Variants in RYR2 observed in about 807,000 individuals in gnomAD.
RYR2 encodes ryanodine receptor 2.
RYR2 carries 227 observed loss-of-function variants against 601.1 expected under a neutral mutation model. The observed-to-expected ratio is 0.38, with a 90% CI of 0.34 to 0.42. The LOEUF (loss-of-function observed/expected upper bound fraction) is 0.42, where lower values mean the gene tolerates loss of function less well. Among genes scored for constraint, RYR2 ranks in the 10% least tolerant of loss-of-function variants. RYR2 has a pLI of 1.00. For missense variants in RYR2, 4,646 were observed against 6,156.5 expected, an observed-to-expected ratio of 0.75 and a Z score of 8.21; for synonymous variants, 2,223 against 2,175.1, an observed-to-expected ratio of 1.02 and a Z score of -0.61.
At chr1:237,785,928 T>A (rs1472048684) in intron 90 of RYR2, 41 bp from the exon 91 acceptor site, 2 of 1,370,262 alleles carry the variant, frequency 1.5e-6, no homozygotes, top group African/African-American at 2.9e-5. Flanking sequence ...TCAAAGGTGA[T>A]GGGTAATCCT....
At chr1:237,332,652 A>T (rs1243090247) in intron 3 of RYR2, among the ~76,000 whole-genome samples, 2 of 152,210 alleles carry the variant, frequency 1.3e-5, no homozygotes, top group Non-Finnish European at 2.9e-5. Context: ...TAAAAAATGC[A>T]TCTTGCCATT....
chr1:237,280,372 A>G (rs1690734286), intron 2 of RYR2, among the ~76,000 whole-genome samples: 1 of 152,218 alleles, frequency 6.6e-6, no homozygotes, highest in African/African-American at 2.4e-5. Flanking sequence ...AATAAATATT[A>G]ACATTATTGC....
At chr1:237,525,501 A>G (rs1667481787) in intron 24 of RYR2, among the ~76,000 whole-genome samples, 2 of 151,840 alleles carry the variant, frequency 1.3e-5, no homozygotes, top group African/African-American at 4.8e-5. Context: ...CCTAGGTTGG[A>G]GTGCAGTGGC....
intron 3 of RYR2, among the ~76,000 whole-genome samples, chr1:237,331,533 G>C (rs554682929): frequency 2.7e-5 from 4 of 147,872 alleles, no homozygotes; most frequent in East Asian, 1.9e-4. Flanking sequence ...GATGGAGTCT[G>C]GCTCTGTCAC....
Position 237,566,695 on chromosome 1 carries a change from G to A in RYR2, c.3343G>A (p.Val1115Ile), listed in dbSNP as rs1559038746. ...GACGGTCACTGCTGGAGACATGAGG[G>A]TTGGTTGGAGTCGTCCTGGTTGTCA... ...FETVTAGDMR[V>I]GWSRPGCQPD... The change falls in exon 28 of 105, where the codon GTT becomes ATT. Residue 1115 changes from valine (V) to isoleucine (I), a missense_variant. Around this residue, in one of 17 missense-constraint regions of RYR2, gnomAD observed 1,807 missense variants for 2,088.1 expected, o/e 0.87. Coordinates refer to ENST00000366574, the MANE Select transcript of RYR2 (RefSeq NM_001035.3). 1 of 1,614,000 alleles carries A rather than the reference G, an allele frequency of 6.2e-7. No individual in the cohort carries two copies. Among genetic ancestry groups the A allele is most frequent in the Non-Finnish European group, 8.5e-7 (1 of 1,179,878 alleles).
intron 27 of RYR2, among the ~76,000 whole-genome samples, chr1:237,562,333 C>G (rs1671540403): frequency 6.6e-6 from 1 of 152,144 alleles, no homozygotes; most frequent in South Asian, 2.1e-4. Context: ...CTAAAAGATT[C>G]TAGATATGTA....
At chr1:237,528,448 G>A (rs1384685249) in intron 24 of RYR2, among the ~76,000 whole-genome samples, 2 of 152,146 alleles carry the variant, frequency 1.3e-5, no homozygotes, top group African/African-American at 4.8e-5. Context: ...CCATGGATAA[G>A]GGAGGACTAC....
At chr1:237,453,854 G>A (rs1245751983) in intron 14 of RYR2, among the ~76,000 whole-genome samples, 1 of 152,074 alleles carries the variant, frequency 6.6e-6, no homozygotes, top group Non-Finnish European at 1.5e-5. Context: ...ACTTTTAAAT[G>A]CATTTCTTTC....
intron 1 of RYR2, among the ~76,000 whole-genome samples, chr1:237,248,016 A>G (rs914221729): frequency 1.3e-5 from 2 of 152,180 alleles, no homozygotes; most frequent in South Asian, 2.1e-4. Flanking sequence ...GCTTATGCCT[A>G]TAATCCCAGC....
intron 62 of RYR2, among the ~76,000 whole-genome samples, chr1:237,683,756 T>C (rs1337275389): frequency 6.6e-6 from 1 of 152,142 alleles, no homozygotes; most frequent in African/African-American, 2.4e-5. Flanking sequence ...TGATCAGAGC[T>C]TCCCTCTGAG....
At chr1:237,223,329 A>C (rs1345838689) in intron 1 of RYR2, among the ~76,000 whole-genome samples, 1 of 152,220 alleles carries the variant, frequency 6.6e-6, no homozygotes, top group Non-Finnish European at 1.5e-5. Flanking sequence ...CTCTTTTACA[A>C]GAGCCTTAAT....
intron 29 of RYR2, among the ~76,000 whole-genome samples, chr1:237,589,463 G>A (rs1378411579): frequency 6.6e-6 from 1 of 152,122 alleles, no homozygotes; most frequent in Non-Finnish European, 1.5e-5. Context: ...GCACTCCTGA[G>A]CAAGGAGACT....
intron 62 of RYR2, among the ~76,000 whole-genome samples, chr1:237,683,544 A>T (rs1183968813): frequency 2.0e-5 from 3 of 152,220 alleles, no homozygotes; most frequent in Admixed American, 6.5e-5. Flanking sequence ...GTCAGAGATT[A>T]ACAAAGGAAC....
intron 1 of RYR2, among the ~76,000 whole-genome samples, chr1:237,241,919 G>C (rs1686214694): frequency 6.6e-6 from 1 of 152,108 alleles, no homozygotes; most frequent in Non-Finnish European, 1.5e-5. Context: ...CTTGATTCTG[G>C]CTGGTTTCAT....
intron 14 of RYR2, among the ~76,000 whole-genome samples, chr1:237,448,600 T>A (rs1175439085): frequency 6.6e-6 from 1 of 152,124 alleles, no homozygotes; most frequent in Non-Finnish European, 1.5e-5. Flanking sequence ...CTGACTGTAA[T>A]TGTGGATATC....
At chr1:237,291,924 A>T (rs1692244360) in intron 2 of RYR2, among the ~76,000 whole-genome samples, 2 of 152,236 alleles carry the variant, frequency 1.3e-5, no homozygotes, top group South Asian at 4.1e-4. Flanking sequence ...TTTGGGGGAT[A>T]GTGATACCTG....
chr1:237,420,445 C>T (rs1705441451), intron 11 of RYR2, among the ~76,000 whole-genome samples: 1 of 152,052 alleles, frequency 6.6e-6, no homozygotes, highest in South Asian at 2.1e-4. Context: ...TTTGATGTTA[C>T]CATAGGAAAT....
chr1:237,608,971 CTTCTT>C (rs1227273465), intron 35 of RYR2, among the ~76,000 whole-genome samples: 2 of 151,802 alleles, frequency 1.3e-5, no homozygotes, highest in Non-Finnish European at 2.9e-5. Context: ...GCTCTCTTCT[CTTCTT>C]TTCCTTTCTT....
intron 10 of RYR2, among the ~76,000 whole-genome samples, chr1:237,414,236 T>G (rs984822629): frequency 6.6e-6 from 1 of 152,202 alleles, no homozygotes; most frequent in African/African-American, 2.4e-5. Context: ...CATTCAGTCT[T>G]ACTTAATCAG....
Sources: gnomAD v4.1 joint callset for allele counts (sites outside exome capture counted in the v4.1 genomes callset) on GRCh38, gnomAD v4.1.1 for gene constraint, gnomAD v4.1.1 regional missense constraint, MANE v1.5 for transcripts, NCBI Gene and HGNC (gene_info 2026-07-23, HGNC 2026-07-21) for gene names.